Variants in TNNT3 observed in about 807,000 individuals in gnomAD.
TNNT3 encodes troponin T, fast skeletal muscle.
A neutral mutation model predicts 54.2 loss-of-function variants in TNNT3; 36 were observed. The observed-to-expected ratio is 0.66, with a 90% CI of 0.51 to 0.88. The LOEUF (loss-of-function observed/expected upper bound fraction) is 0.88. Ranked by LOEUF, TNNT3 falls within the 40% of genes least tolerant of loss-of-function variation. TNNT3 has a pLI of 0.00. For synonymous variants in TNNT3, 120 were observed against 109.7 expected, an observed-to-expected ratio of 1.09 and a Z score of -0.59; for missense variants, 291 against 331.6, an observed-to-expected ratio of 0.88 and a Z score of 0.95.
intron 8 of TNNT3, 55 bp from the exon 9 acceptor site, chr11:1,932,414 C>T: frequency 6.3e-7 from 1 of 1,580,326 alleles, no homozygotes. Flanking sequence ...CCAGGCTGAC[C>T]CTCTGGGGTG....
chr11:1,933,953 C>G lies in TNNT3; in HGVS notation c.311C>G (p.Ala104Gly). 6.2e-7 allele frequency: 1 copy of G among 1,612,716 alleles called. No homozygotes were observed. Among genetic ancestry groups the G allele is most frequent in the East Asian group, 2.2e-5 (1 of 44,870 alleles). ...ERIEKRRAER[A>G]EQQRIRAEKE... Reference sequence around the variant, plus strand: ...CAGGAGAAGCGCCGTGCAGAGAGAGCGGAGCAGCAGAGGATTCGTGCAGAG... The same window carrying G: ...CAGGAGAAGCGCCGTGCAGAGAGAGGGGAGCAGCAGAGGATTCGTGCAGAG... The change falls in exon 11 of 16, where the codon GCG (alanine) becomes GGG (glycine). Residue 104 changes from alanine to glycine, a missense_variant. Transcript: ENST00000278317.
chr11:1,929,383 G>T (rs539202665), intron 7 of TNNT3, among the ~76,000 whole-genome samples: 120 of 152,308 alleles, frequency 7.9e-4, no homozygotes, highest in African/African-American at 2.8e-3. Flanking sequence ...AGCGGAGGGG[G>T]AGTAAGCGGG....
At chr11:1,929,090 T>C (rs1172257364) in intron 6 of TNNT3, 30 bp from the exon 7 acceptor site, 3 of 1,613,172 alleles carry the variant, frequency 1.9e-6, no homozygotes, top group South Asian at 1.1e-5. Context: ...TTCTCTTGCA[T>C]GTGTGCTTGT....
chr11:1,923,436 T>C (rs1257968132), intron 3 of TNNT3, 119 bp from the exon 4 acceptor site: 1 of 1,114,492 alleles, frequency 9.0e-7, no homozygotes, highest in East Asian at 2.4e-5. Context: ...TCCACGCTCT[T>C]GGGCAGGGGC....
chr11:1,926,853 G>A (rs1851759884), intron 6 of TNNT3, 144 bp downstream of exon 6: 2 of 1,104,358 alleles, frequency 1.8e-6, no homozygotes, highest in African/African-American at 1.5e-5. Context: ...GACAGAGTGA[G>A]GACCCTGGCT....
At chr11:1,929,284 G>C in intron 7 of TNNT3, 141 bp downstream of exon 7, 2 of 1,140,122 alleles carry the variant, frequency 1.8e-6, no homozygotes, top group South Asian at 2.5e-5. Flanking sequence ...GGGGGCCTCG[G>C]AGGGCCAGGC....
At chr11:1,936,228 G>A (rs1337548166) in intron 14 of TNNT3, 1 of 1,613,898 alleles carries the variant, frequency 6.2e-7, no homozygotes, top group Non-Finnish European at 8.5e-7. Flanking sequence ...TGAATGTCCG[G>A]GCCAGAGTGC....
rs1053896048 is a variant in TNNT3, at chr11:1,925,454, A to G, written c.67+338A>G. ...CCGCGGCCAATGCTTGACCAGAGAG[A>G]GAATGGGGTCTCGAGGGTGGGCCCC... On this transcript the variant is annotated intron_variant, in intron 5 of 15. Transcript: ENST00000278317. 17 of 702,756 alleles carry G rather than the reference A, an allele frequency of 2.4e-5. No homozygotes were observed. In the South Asian group the frequency reaches 2.9e-4, roughly 12 times the overall value. 43.5% of individuals were successfully genotyped at this position (702,756 alleles called of 1,614,324 possible). A position where few individuals can be genotyped will look rare whatever the true frequency, so the allele number is the denominator to read the frequency against.
intron 5 of TNNT3, among the ~76,000 whole-genome samples, chr11:1,926,226 A>G (rs1851537126): frequency 6.6e-6 from 1 of 152,278 alleles, no homozygotes; most frequent in East Asian, 1.9e-4. Context: ...GCTCCCGGCC[A>G]TCCTCTGAGC....
chr11:1,925,032 T>G, intron 4 of TNNT3, 67 bp from the exon 5 acceptor site: 1 of 1,586,532 alleles, frequency 6.3e-7, no homozygotes, highest in Non-Finnish European at 8.6e-7. Context: ...TACACTCTGA[T>G]CACTGTCTCT....
chr11:1,935,705 GCCACGATGTC>G (rs1368174266), intron 14 of TNNT3: 3 of 192,856 alleles, frequency 1.6e-5, no homozygotes, highest in African/African-American at 2.3e-5. Context: ...CACCATCAGG[GCCACGATGTC>G]CACCCTCCAG....
intron 8 of TNNT3, among the ~76,000 whole-genome samples, chr11:1,931,795 C>T (rs1014677465): frequency 1.3e-5 from 2 of 150,150 alleles, no homozygotes; most frequent in Non-Finnish European, 3.0e-5. Context: ...CTTAGAGGCA[C>T]CTTCTGGTGC....
At chr11:1,924,428 A>G (rs569196972) in intron 4 of TNNT3, among the ~76,000 whole-genome samples, 4 of 152,342 alleles carry the variant, frequency 2.6e-5, no homozygotes, top group African/African-American at 9.6e-5. Flanking sequence ...CGTTCACGCA[A>G]CCTTAGCAGG....
At chr11:1,931,769 A>G (rs1853451595) in intron 8 of TNNT3, among the ~76,000 whole-genome samples, 2 of 129,566 alleles carry the variant, frequency 1.5e-5, no homozygotes, top group Middle Eastern at 5.6e-3. Context: ...GCGTGGTGTC[A>G]TCTGGCCTTC....
intron 1 of TNNT3, among the ~76,000 whole-genome samples, chr11:1,920,832 C>T (rs1326766121): frequency 6.6e-6 from 1 of 152,140 alleles, no homozygotes; most frequent in Non-Finnish European, 1.5e-5. Flanking sequence ...CTGCCCCCAG[C>T]ACACCCCTGC....
chr11:1,925,770 C>T (rs994232830), intron 5 of TNNT3, among the ~76,000 whole-genome samples: 1 of 152,108 alleles, frequency 6.6e-6, no homozygotes, highest in East Asian at 1.9e-4. Flanking sequence ...CCCTCGTCAG[C>T]CCCCCAGGCC....
intron 8 of TNNT3, among the ~76,000 whole-genome samples, chr11:1,930,725 T>G (rs891496754): frequency 6.6e-6 from 1 of 152,190 alleles, no homozygotes; most frequent in African/African-American, 2.4e-5. Context: ...TGAGAACATC[T>G]GAAGGGTACA....
intron 11 of TNNT3, 93 bp from the exon 12 acceptor site, chr11:1,934,239 A>G (rs1854284255): frequency 1.6e-6 from 2 of 1,240,018 alleles, no homozygotes; most frequent in East Asian, 2.5e-5. Context: ...GCCCTTCCAG[A>G]CAGCTCTAAG....
chr11:1,938,183 CA>C, intron 15 of TNNT3: 1 of 550,968 alleles, frequency 1.8e-6, no homozygotes. Context: ...GTACCTCAGG[CA>C]AAGAAAGGAG....
Sources: allele counts gnomAD v4.1 joint callset (sites outside exome capture counted in the v4.1 genomes callset), GRCh38; gene constraint gnomAD v4.1.1; transcripts MANE v1.5; gene names NCBI Gene and HGNC (gene_info 2026-07-23, HGNC 2026-07-21).